Variants in NLK observed in about 807,000 individuals in gnomAD.
NLK encodes the protein serine/threonine-protein kinase NLK.
A neutral mutation model predicts 59.0 loss-of-function variants in NLK; 11 were observed. That is an observed-to-expected ratio of 0.19 (90% CI 0.12 to 0.31). NLK has a LOEUF of 0.31. Ranked by LOEUF, NLK falls within the 10% of genes least tolerant of loss-of-function variation. The pLI is 1.00. For missense variants in NLK, 410 were observed against 661.1 expected (o/e 0.62, Z 4.16); for synonymous variants, 235 against 235.9 (o/e 1.00, Z 0.03).
intron 1 of NLK, among the ~76,000 whole-genome samples, chr17:28,093,254 C>A (rs903420527): frequency 8.5e-5 from 13 of 152,090 alleles, no homozygotes; most frequent in Non-Finnish European, 1.6e-4. Flanking sequence ...TGACCAGATG[C>A]TGGAAAAATA....
rs10542547 is a variant in NLK at position 28,120,235 on chromosome 17, GGTGTGTGTGTGT to G, written c.459-2341_459-2330del. 3.0e-3 allele frequency among the ~76,000 whole-genome samples: 412 copies of G among 139,186 alleles called. 2 individuals carry two copies. Among genetic ancestry groups the G allele is most frequent in the African/African-American group, 9.8e-3 (365 of 37,304 alleles). 91.3% of individuals were successfully genotyped at this position (139,186 alleles called of 152,430 possible). A position where few individuals can be genotyped will look rare whatever the true frequency, so the allele number is the denominator to read the frequency against. On this transcript the variant is annotated intron_variant, in intron 1 of 10. Coordinates refer to ENST00000407008, the MANE Select transcript of NLK (RefSeq NM_016231.5). ...AATCAGTATTGCAGATTTGGCTTGG[GGTGTGTGTGTGT>G]GTGTGTGTGTGTGTGTGTGTGTGTG...
chr17:28,135,296 G>A (rs1906696722), intron 3 of NLK, among the ~76,000 whole-genome samples: 1 of 152,196 alleles, frequency 6.6e-6, no homozygotes, highest in African/African-American at 2.4e-5. Flanking sequence ...CAGAAAAGCT[G>A]TTATTCCCTT....
intron 1 of NLK, among the ~76,000 whole-genome samples, chr17:28,070,528 A>C (rs980363379): frequency 6.6e-5 from 10 of 151,016 alleles, no homozygotes; most frequent in Non-Finnish European, 1.3e-4. Flanking sequence ...TAATTTTTAT[A>C]TTTTTAGTAG....
At chr17:28,187,541 C>T (rs1371686030) in intron 8 of NLK, among the ~76,000 whole-genome samples, 1 of 152,122 alleles carries the variant, frequency 6.6e-6, no homozygotes, top group Non-Finnish European at 1.5e-5. Context: ...ACCTCATGAT[C>T]CACCTGCCTT....
chr17:28,142,946 C>A lies in NLK; in HGVS notation c.644+10271C>A, dbSNP rs930213216. On this transcript the variant is annotated intron_variant, in intron 3 of 10. Coordinates refer to ENST00000407008, the MANE Select transcript of NLK (RefSeq NM_016231.5). ...GCTTGAGGGGGCCAGGCTTGGGCATCTATGTACTACAGTTTATTAAACCAA... is the reference window on the plus strand; with the variant it reads ...GCTTGAGGGGGCCAGGCTTGGGCATATATGTACTACAGTTTATTAAACCAA... Among the ~76,000 whole-genome samples the A allele has an allele frequency of 4.6e-5, 7 of 151,722 alleles. 2 individuals are homozygous for A. The South Asian group carries it at 1.5e-3, about 31-fold the overall frequency.
intron 7 of NLK, among the ~76,000 whole-genome samples, chr17:28,184,147 C>A (rs1909025270): frequency 6.6e-6 from 1 of 152,168 alleles, no homozygotes; most frequent in African/African-American, 2.4e-5. Context: ...AGTGAGAAAT[C>A]AATGCTAAAG....
At chr17:28,114,179 G>C (rs763870243) in intron 1 of NLK, among the ~76,000 whole-genome samples, 1 of 152,094 alleles carries the variant, frequency 6.6e-6, no homozygotes, top group African/African-American at 2.4e-5. Context: ...CCAGTTTTAA[G>C]GGTATTACAA....
At chr17:28,061,272 C>G (rs1035316976) in intron 1 of NLK, among the ~76,000 whole-genome samples, 24 of 151,992 alleles carry the variant, frequency 1.6e-4, no homozygotes, top group African/African-American at 5.3e-4. Context: ...TAAAAGGTGT[C>G]TATAACCTTA....
intron 3 of NLK, among the ~76,000 whole-genome samples, chr17:28,160,922 G>T (rs907468299): frequency 6.6e-6 from 1 of 152,160 alleles, no homozygotes; most frequent in African/African-American, 2.4e-5. Flanking sequence ...CTTTGATAAT[G>T]CTGATTATAA....
chr17:28,182,249 T>A (rs1908938447), intron 7 of NLK, among the ~76,000 whole-genome samples: 1 of 152,192 alleles, frequency 6.6e-6, no homozygotes, highest in Non-Finnish European at 1.5e-5. Flanking sequence ...AGGTATCTTC[T>A]TGGTGTTGTT....
intron 2 of NLK, among the ~76,000 whole-genome samples, chr17:28,127,426 G>C (rs1431911489): frequency 6.6e-6 from 1 of 152,184 alleles, no homozygotes; most frequent in Non-Finnish European, 1.5e-5. Flanking sequence ...CAGACATGCT[G>C]TTCAGACATT....
chr17:28,060,095 CA>C (rs1370387960), intron 1 of NLK, among the ~76,000 whole-genome samples: 1 of 152,108 alleles, frequency 6.6e-6, no homozygotes, highest in African/African-American at 2.4e-5. Context: ...GCACCAGTCC[CA>C]GCACACTGGT....
intron 2 of NLK, among the ~76,000 whole-genome samples, chr17:28,131,273 A>G (rs1280207140): frequency 6.6e-6 from 1 of 152,106 alleles, no homozygotes; most frequent in East Asian, 1.9e-4. Context: ...AATCTTATTT[A>G]GCTCCTGATT....
intron 1 of NLK, among the ~76,000 whole-genome samples, chr17:28,050,310 C>A (rs1909203055): frequency 6.6e-6 from 1 of 151,990 alleles, no homozygotes. Flanking sequence ...GACTACAGGG[C>A]TGGAGATGCT....
At chr17:28,136,361 A>T (rs1324606299) in intron 3 of NLK, among the ~76,000 whole-genome samples, 1 of 152,216 alleles carries the variant, frequency 6.6e-6, no homozygotes, top group African/African-American at 2.4e-5. Context: ...GCATTTTCCA[A>T]TAGTGGTGTC....
At chr17:28,175,428 G>A (rs528768900) in intron 7 of NLK, among the ~76,000 whole-genome samples, 29 of 151,602 alleles carry the variant, frequency 1.9e-4, no homozygotes, top group Middle Eastern at 6.8e-3. Flanking sequence ...TCCAGCCTGG[G>A]CGACACAGCA....
chr17:28,204,850 G>C, the NLK span, among the ~76,000 whole-genome samples: 1 of 152,196 alleles, frequency 6.6e-6, no homozygotes, highest in African/African-American at 2.4e-5. Context: ...TTCCTAAACT[G>C]TGATTTCATA....
chr17:28,090,027 A>C (rs189300518), intron 1 of NLK, among the ~76,000 whole-genome samples: 1 of 152,172 alleles, frequency 6.6e-6, no homozygotes, highest in Non-Finnish European at 1.5e-5. Context: ...GAAGAGCAGA[A>C]GTTTCTAATT....
intron 1 of NLK, among the ~76,000 whole-genome samples, chr17:28,120,946 T>C (rs1345401324): frequency 6.6e-6 from 1 of 152,256 alleles, no homozygotes. Flanking sequence ...ATATCCATAC[T>C]CAAGGTTAAT....
Sources: allele counts gnomAD v4.1 joint callset (sites outside exome capture counted in the v4.1 genomes callset), GRCh38; gene constraint gnomAD v4.1.1; transcripts MANE v1.5; gene names NCBI Gene and HGNC (gene_info 2026-07-23, HGNC 2026-07-21).